The following DCTN6 variants were observed in gnomAD, a reference collection of about 807,000 sequenced individuals.
DCTN6 encodes dynactin subunit 6, also known as dynactin 6.
A neutral mutation model predicts 25.8 loss-of-function variants in DCTN6; 15 were observed. The ratio of observed to expected loss-of-function variants is 0.58; its 90% CI spans 0.39 to 0.89. DCTN6 has a LOEUF of 0.89. Ranked by LOEUF, DCTN6 falls within the 40% of genes least tolerant of loss-of-function variation. The pLI is 0.00. For synonymous variants in DCTN6, 64 were observed against 78.3 expected, an observed-to-expected ratio of 0.82 and a Z score of 0.96; for missense variants, 198 against 237.6, an observed-to-expected ratio of 0.83 and a Z score of 1.09.
chr8:30,164,781 G>T (rs1271621871), intron 2 of DCTN6, among the ~76,000 whole-genome samples: 2 of 152,220 alleles, frequency 1.3e-5, no homozygotes, highest in African/African-American at 4.8e-5. Flanking sequence ...GGCCCTGCAG[G>T]CCAGGAAGTG....
rs1585504302 is a variant in DCTN6 at position 30,175,209 on chromosome 8, C to A, written c.194+19C>A. ...TAAATGCGTAAGACTCTTATACATA[C>A]TGTGAACCAAGTACCATGGGTAACG... On this transcript the variant is annotated intron_variant, in intron 3 of 6. Transcript: ENST00000221114. The A allele has an allele frequency of 6.3e-7, 1 of 1,599,142 alleles. No individual in the cohort carries two copies. The highest frequency in any genetic ancestry group is 8.6e-7 in the Non-Finnish European group (1 of 1,167,664).
At chr8:30,168,840 G>A (rs952894094) in intron 2 of DCTN6, among the ~76,000 whole-genome samples, 1 of 152,186 alleles carries the variant, frequency 6.6e-6, no homozygotes, top group African/African-American at 2.4e-5. Flanking sequence ...CTTGGGAAAA[G>A]TAACAGCCCT....
intron 2 of DCTN6, among the ~76,000 whole-genome samples, chr8:30,166,389 C>T (rs1348283025): frequency 6.7e-6 from 1 of 149,360 alleles, no homozygotes; most frequent in Non-Finnish European, 1.5e-5. Context: ...CTCAAGCGAT[C>T]CTCCTGCCTC....
At chr8:30,161,395 C>T (rs1372803723) in intron 1 of DCTN6, among the ~76,000 whole-genome samples, 1 of 152,146 alleles carries the variant, frequency 6.6e-6, no homozygotes, top group Non-Finnish European at 1.5e-5. Flanking sequence ...ATTAGACCAA[C>T]TGCCTCCCTG....
At chr8:30,175,274 C>A in intron 3 of DCTN6, 84 bp downstream of exon 3, 3 of 1,198,696 alleles carry the variant, frequency 2.5e-6, no homozygotes, top group Non-Finnish European at 2.4e-6. Flanking sequence ...ACCTTTTCAG[C>A]TGACATCCAG....
intron 6 of DCTN6, among the ~76,000 whole-genome samples, chr8:30,182,057 G>A (rs12544416): frequency 0.15 from 22,618 of 152,020 alleles, 2,299 homozygotes; most frequent in East Asian, 0.44. Context: ...GTCAAATCCA[G>A]TCATTTGTTT....
At position 30,170,034 on chromosome 8, in the gene DCTN6, G is replaced by T. The variant is rs952110686; in HGVS notation, c.89-5051G>T. Among the ~76,000 whole-genome samples, 6 of 152,190 alleles carry T rather than the reference G, an allele frequency of 3.9e-5. No homozygotes were observed. The East Asian group carries it at 1.2e-3, about 29-fold the overall frequency. On this transcript the variant is annotated intron_variant, in intron 2 of 6. Transcript: ENST00000221114. Reference sequence around the variant, plus strand: ...CTAAAATACAAAAAATTAGCTGGGCGTGGTGGTGGGCTCCTGTAGTCCCAG... The same window carrying T: ...CTAAAATACAAAAAATTAGCTGGGCTTGGTGGTGGGCTCCTGTAGTCCCAG...
intron 3 of DCTN6, chr8:30,176,638 C>G (rs556048043): frequency 6.5e-6 from 1 of 153,420 alleles, no homozygotes; most frequent in African/African-American, 2.4e-5. Context: ...AACTCAAAAT[C>G]AAGCCTTCTC....
In DCTN6 at chr8:30,164,662, C is replaced by T. The variant is rs553805418; in HGVS notation, c.88+487C>T. On this transcript the variant is annotated intron_variant, in intron 2 of 6. Coordinates refer to ENST00000221114, the MANE Select transcript of DCTN6 (RefSeq NM_006571.4). ...TAATTGTGTGTATCAGGATCAGGTT[C>T]GGCTGCATGTAGGGGTGGCTTACAC... 3.2e-4 allele frequency among the ~76,000 whole-genome samples: 49 copies of T among 152,332 alleles called. 1 individual carries two copies. In the South Asian group the frequency reaches 9.7e-3, roughly 30 times the overall value.
rs757357787 is a variant in DCTN6 at position 30,183,220 on chromosome 8, T to G, written c.*47T>G. On this transcript the variant is annotated 3_prime_UTR_variant, in exon 7 of 7. Transcript: ENST00000221114. The stretch of plus-strand genomic sequence containing the variant: ...TAACATTTTGTCTTTGACCACTGTC[T>G]TTTGAATGGGCCCACAGTGTTTATG... The G allele has an allele frequency of 1.2e-5, 18 of 1,466,478 alleles. No individual in the cohort carries two copies. 90.8% of individuals were successfully genotyped at this position (1,466,478 alleles called of 1,614,324 possible). A position where few individuals can be genotyped will look rare whatever the true frequency, so the allele number is the denominator to read the frequency against.
At chr8:30,165,230 C>T (rs7818427) in intron 2 of DCTN6, among the ~76,000 whole-genome samples, 8,932 of 152,094 alleles carry the variant, frequency 0.059, 381 homozygotes, top group East Asian at 0.24. Context: ...ATTTTACTTA[C>T]GTGAACTTGA....
chr8:30,171,451 G>A (rs1051813771), intron 2 of DCTN6, among the ~76,000 whole-genome samples: 1 of 152,040 alleles, frequency 6.6e-6, no homozygotes, highest in Non-Finnish European at 1.5e-5. Flanking sequence ...AGAGAAGGGG[G>A]TCTGACTCAT....
At chr8:30,164,211 G>T (rs1172120254) in intron 2 of DCTN6, 36 bp downstream of exon 2, 2 of 1,507,878 alleles carry the variant, frequency 1.3e-6, no homozygotes, top group Non-Finnish European at 1.8e-6. Context: ...TTCAAGAATT[G>T]ATGTGATTTA....
At chr8:30,161,759 T>C (rs1585498444) in intron 1 of DCTN6, among the ~76,000 whole-genome samples, 1 of 151,880 alleles carries the variant, frequency 6.6e-6, no homozygotes, top group East Asian at 1.9e-4. Context: ...TTTTTTTTTT[T>C]TTTTTTGAGA....
chr8:30,163,979 G>A, intron 1 of DCTN6, 132 bp from the exon 2 acceptor site: 1 of 741,036 alleles, frequency 1.3e-6, no homozygotes, highest in Non-Finnish European at 2.3e-6. Context: ...TAGGATTACA[G>A]GCGTGAGCCA....
At position 30,170,583 on chromosome 8, in the gene DCTN6, A is replaced by C. The variant is rs73242316; in HGVS notation, c.89-4502A>C. Among the ~76,000 whole-genome samples, 692 of 152,332 alleles carry C rather than the reference A, an allele frequency of 4.5e-3. 5 individuals are homozygous for C. The highest frequency in any genetic ancestry group is 7.7e-3 in the Non-Finnish European group (526 of 68,024). On this transcript the variant is annotated intron_variant, in intron 2 of 6. Coordinates refer to ENST00000221114, the MANE Select transcript of DCTN6 (RefSeq NM_006571.4). ...TAATAAAATAAAATACCTGCTTAAA[A>C]TAGCTCACATATTATTTTTTAAATA...
At chr8:30,168,922 C>T (rs944333413) in intron 2 of DCTN6, among the ~76,000 whole-genome samples, 3 of 152,214 alleles carry the variant, frequency 2.0e-5, no homozygotes, top group African/African-American at 7.2e-5. Flanking sequence ...TGCCTTAATT[C>T]ATGGCCCATG....
In DCTN6 at chr8:30,156,400, A is replaced by C. The variant is rs907017860; in HGVS notation, c.17A>C (p.Gln6Pro). ...GGCCGTACCATGGCGGAGAAGACTC[A>C]AAAGAGGTGGGTTTGCTGCTTGAGA... MAEKT[Q>P]KSVKIAPGAV... is the part of the protein sequence containing the mutation. Residue 6 changes from glutamine (Q) to proline (P), a missense_variant, in exon 1 of 7, where the codon CAA (glutamine) becomes CCA (proline). Coordinates refer to ENST00000221114, the MANE Select transcript of DCTN6 (RefSeq NM_006571.4). The C allele has an allele frequency of 6.2e-7, 1 of 1,605,808 alleles. No homozygotes were observed. The highest frequency in any genetic ancestry group is 1.3e-5 in the African/African-American group (1 of 74,902).
intron 2 of DCTN6, among the ~76,000 whole-genome samples, chr8:30,174,483 T>A (rs981687753): frequency 1.3e-5 from 2 of 152,058 alleles, no homozygotes; most frequent in African/African-American, 4.8e-5. Context: ...CAGGCGCACA[T>A]ACCATCATGC....
Sources: allele counts gnomAD v4.1 joint callset (sites outside exome capture counted in the v4.1 genomes callset), GRCh38; gene constraint gnomAD v4.1.1; transcripts MANE v1.5; gene names NCBI Gene and HGNC (gene_info 2026-07-23, HGNC 2026-07-21).